PKHD1: variants seen among roughly 807,000 people sequenced by gnomAD.
The protein encoded by PKHD1 is PKHD1 ciliary IPT domain containing fibrocystin/polyductin.
In PKHD1, 291 loss-of-function variants were observed where a neutral mutation model predicts 412.0. The observed-to-expected ratio is 0.71, with a 90% CI of 0.64 to 0.78. The LOEUF is 0.78. PKHD1 is among the 30% of genes least tolerant of loss of function. The pLI is 0.00. For synonymous variants in PKHD1, 1,777 were observed against 1,821.5 expected, an observed-to-expected ratio of 0.98 and a Z score of 0.62; for missense variants, 4,825 against 4,950.7, an observed-to-expected ratio of 0.97 and a Z score of 0.76.
At chr6:51,941,297 G>A (rs1483120101) in intron 36 of PKHD1, among the ~76,000 whole-genome samples, 7 of 122,062 alleles carry the variant, frequency 5.7e-5, no homozygotes, top group South Asian at 2.9e-4. Flanking sequence ...CGCCCAGGCC[G>A]GACTGCGGAC....
chr6:51,992,732 C>CT (rs1352037439), intron 35 of PKHD1, among the ~76,000 whole-genome samples: 1 of 152,210 alleles, frequency 6.6e-6, no homozygotes, highest in East Asian at 1.9e-4. Context: ...CAGAGCAAGG[C>CT]TTTTTTCCAG....
chr6:51,809,049 T>A (rs1764278089), intron 52 of PKHD1, among the ~76,000 whole-genome samples: 1 of 152,068 alleles, frequency 6.6e-6, no homozygotes, highest in South Asian at 2.1e-4. Flanking sequence ...GAATAATCAA[T>A]AATCAATTCA....
chr6:51,620,802 A>ATATACATATATATATATATG (rs1561971278), intron 66 of PKHD1, among the ~76,000 whole-genome samples: 5 of 141,556 alleles, frequency 3.5e-5, no homozygotes, highest in African/African-American at 1.3e-4. Context: ...ATATATATGT[A>ATATACATATATATATATATG]TATATATATA....
intron 55 of PKHD1, among the ~76,000 whole-genome samples, chr6:51,768,126 T>C (rs1304764445): frequency 1.3e-5 from 2 of 151,994 alleles, no homozygotes; most frequent in Admixed American, 6.6e-5. Context: ...TTTTGAGAAG[T>C]GTCAGTTCAT....
At position 51,663,891 on chromosome 6, in the gene PKHD1, T is replaced by C. The variant is rs550670702; in HGVS notation, c.10157-3922A>G. Among the ~76,000 whole-genome samples the C allele has an allele frequency of 6.6e-5, 10 of 152,282 alleles. No individual in the cohort carries two copies. In the East Asian group the frequency reaches 1.9e-3, roughly 29 times the overall value. ...TACTTTTATAAATTTTCTTCTGCTA[T>C]TGTATCTCATAGTTGATTTGTCCAC... On this transcript the variant is annotated intron_variant, in intron 60 of 66. Transcript: ENST00000371117.
intron 36 of PKHD1, among the ~76,000 whole-genome samples, chr6:51,946,939 T>G (rs1371852444): frequency 1.3e-5 from 2 of 152,230 alleles, no homozygotes; most frequent in African/African-American, 4.8e-5. Flanking sequence ...ATTTGTTGTT[T>G]TTTTTAAGAA....
intron 36 of PKHD1, among the ~76,000 whole-genome samples, chr6:51,959,146 G>T (rs1049492380): frequency 6.6e-6 from 1 of 152,062 alleles, no homozygotes; most frequent in Non-Finnish European, 1.5e-5. Context: ...CAGTGTTTTA[G>T]TGCAGAGTTT....
chr6:51,963,103 A>G (rs1052178363), intron 35 of PKHD1, among the ~76,000 whole-genome samples: 3 of 152,084 alleles, frequency 2.0e-5, no homozygotes, highest in African/African-American at 7.2e-5. Flanking sequence ...GCAATAGGTG[A>G]AGATACAGGT....
intron 63 of PKHD1, among the ~76,000 whole-genome samples, chr6:51,643,852 C>T (rs1463352358): frequency 6.6e-6 from 1 of 151,564 alleles, no homozygotes; most frequent in Non-Finnish European, 1.5e-5. Context: ...CCCCTTAGTC[C>T]TCCCCCCAAT....
At chr6:51,687,067 G>C (rs1392438118) in intron 60 of PKHD1, among the ~76,000 whole-genome samples, 1 of 152,078 alleles carries the variant, frequency 6.6e-6, no homozygotes, top group African/African-American at 2.4e-5. Context: ...TTCTTTCATT[G>C]TCAAGAGTGA....
intron 61 of PKHD1, among the ~76,000 whole-genome samples, chr6:51,654,667 C>A (rs1771526932): frequency 6.6e-6 from 1 of 151,008 alleles, no homozygotes; most frequent in Admixed American, 6.6e-5. Context: ...CAATAGATTA[C>A]AATTAGCATC....
At chr6:51,658,210 G>T (rs1772210226) in intron 61 of PKHD1, among the ~76,000 whole-genome samples, 1 of 152,018 alleles carries the variant, frequency 6.6e-6, no homozygotes, top group Admixed American at 6.6e-5. Context: ...TTAATTTTAA[G>T]TTAACAATTC....
chr6:51,663,252 C>CT (rs1773157151), intron 60 of PKHD1, among the ~76,000 whole-genome samples: 1 of 151,990 alleles, frequency 6.6e-6, no homozygotes. Flanking sequence ...TTTTTTTCAG[C>CT]CATGCTGATG....
At position 51,997,876 on chromosome 6, in the gene PKHD1, G is replaced by A. The variant is rs115468888; in HGVS notation, c.5751+12433C>T. ...TCCCATCAGTCGTTTCTGCCTAATG[G>A]TTCCATCTCATAGCTTAACTTGTCA... On this transcript the variant is annotated intron_variant, in intron 35 of 66. Coordinates refer to ENST00000371117, the MANE Select transcript of PKHD1 (RefSeq NM_138694.4). Among the ~76,000 whole-genome samples the A allele has an allele frequency of 6.7e-3, 1,013 of 152,242 alleles. 8 individuals carry two copies. The highest frequency in any genetic ancestry group is 0.022 in the African/African-American group (933 of 41,522).
intron 35 of PKHD1, among the ~76,000 whole-genome samples, chr6:52,008,561 G>A (rs1323978313): frequency 6.6e-6 from 1 of 152,114 alleles, no homozygotes; most frequent in Non-Finnish European, 1.5e-5. Context: ...TTGAGATGAT[G>A]GGAAATTAAA....
At chr6:51,750,817 C>A (rs939471076) in intron 57 of PKHD1, among the ~76,000 whole-genome samples, 3 of 152,012 alleles carry the variant, frequency 2.0e-5, no homozygotes, top group Non-Finnish European at 2.9e-5. Context: ...CACTCTGTTA[C>A]CCACACTGGA....
At chr6:51,853,252 T>C (rs1372524506) in intron 49 of PKHD1, among the ~76,000 whole-genome samples, 1 of 152,222 alleles carries the variant, frequency 6.6e-6, no homozygotes, top group Non-Finnish European at 1.5e-5. Flanking sequence ...TCCACTGGCT[T>C]ATAGAGTTTC....
chr6:51,959,975 A>C lies in PKHD1; in HGVS notation c.5803T>G (p.Phe1935Val), dbSNP rs761024974. 1.2e-6 allele frequency: 2 copies of C among 1,613,446 alleles called. No homozygotes were observed. Among genetic ancestry groups the C allele is most frequent in the East Asian group, 2.2e-5 (1 of 44,858 alleles). ...CRRWSRTHSW[F>V]PERLPQDGDN... Reference sequence around the variant, plus strand: ...CCATCTTGTGGCAGCCTTTCAGGAAACCAGCTGTGAGTCCTGGACCATCTC... The same window carrying C: ...CCATCTTGTGGCAGCCTTTCAGGAACCCAGCTGTGAGTCCTGGACCATCTC... Residue 1935 changes from phenylalanine to valine, a missense_variant, in exon 36 of 67, where the codon TTT becomes GTT. Physicochemically the swap from Phe to Val is conservative, Grantham distance 50. Transcript: ENST00000371117.
intron 35 of PKHD1, among the ~76,000 whole-genome samples, chr6:51,999,366 T>G (rs1157843021): frequency 4.6e-5 from 7 of 150,784 alleles, no homozygotes; most frequent in Admixed American, 2.0e-4. Flanking sequence ...TTTGTTTTTG[T>G]TTTTTTTCTG....
Sources: gnomAD v4.1 joint callset for allele counts (sites outside exome capture counted in the v4.1 genomes callset) on GRCh38, gnomAD v4.1.1 for gene constraint, MANE v1.5 for transcripts, NCBI Gene and HGNC (gene_info 2026-07-23, HGNC 2026-07-21) for gene names.